ADGRB3: variants seen among roughly 807,000 people sequenced by gnomAD.
ADGRB3 encodes adhesion G protein-coupled receptor B3.
A neutral mutation model predicts 193.4 loss-of-function variants in ADGRB3; 37 were observed. The observed-to-expected ratio is 0.19, with a 90% confidence interval of 0.15 to 0.25. ADGRB3 has a LOEUF of 0.25. Among genes scored for constraint, ADGRB3 ranks in the 10% least tolerant of loss-of-function variants. ADGRB3 has a pLI of 1.00. For missense variants in ADGRB3, 1,637 were observed against 1,852.9 expected (o/e 0.88, Z 2.14); for synonymous variants, 690 against 644.2 (o/e 1.07, Z -1.08).
chr6:69,320,604 G>T (rs970270526), intron 20 of ADGRB3, among the ~76,000 whole-genome samples: 3 of 151,322 alleles, frequency 2.0e-5, no homozygotes, highest in Non-Finnish European at 4.4e-5. Context: ...GGCTTGGCTG[G>T]GTGTAGAATT....
chr6:69,207,301 C>T (rs893831336), intron 17 of ADGRB3, among the ~76,000 whole-genome samples: 1 of 152,126 alleles, frequency 6.6e-6, no homozygotes, highest in Non-Finnish European at 1.5e-5. Flanking sequence ...CACTTCCATC[C>T]CTTGATTCTG....
chr6:69,049,738 A>T (rs1312252989), intron 15 of ADGRB3, among the ~76,000 whole-genome samples: 3 of 152,150 alleles, frequency 2.0e-5, no homozygotes, highest in Admixed American at 2.0e-4. Flanking sequence ...GAGTGTCATG[A>T]TGACTGGGAA....
intron 17 of ADGRB3, among the ~76,000 whole-genome samples, chr6:69,196,117 G>A (rs1765289823): frequency 6.6e-6 from 1 of 152,032 alleles, no homozygotes; most frequent in Non-Finnish European, 1.5e-5. Context: ...ATAATGTTTG[G>A]AGTCAGATGT....
rs369234069 is a variant in ADGRB3 at position 69,225,038 on chromosome 6, T to A, written c.2481-8252T>A. Among the ~76,000 whole-genome samples, 8 of 152,200 alleles carry A rather than the reference T, an allele frequency of 5.3e-5. No individual in the cohort carries two copies. The East Asian group carries it at 7.7e-4, about 15-fold the overall frequency. On this transcript the variant is annotated intron_variant, in intron 17 of 31. Coordinates refer to ENST00000370598, the MANE Select transcript of ADGRB3 (RefSeq NM_001704.3). ...CTGTCATGATCTCTGTCTCCTGGAC[T>A]GTTTTGATCTGCATTGTAACCTGTT...
At chr6:69,004,520 A>C (rs1187345762) in intron 11 of ADGRB3, among the ~76,000 whole-genome samples, 5 of 150,544 alleles carry the variant, frequency 3.3e-5, no homozygotes, top group South Asian at 2.1e-4. Context: ...CCCATTAACT[A>C]GTCATTTACA....
rs1262601567 is a variant in ADGRB3, at chr6:69,354,442, A to T, written c.3555+114A>T. The T allele has an allele frequency of 1.6e-5, 14 of 849,710 alleles. No homozygotes were observed. In the East Asian group the frequency reaches 3.5e-4, roughly 21 times the overall value. The allele number at this position is 849,710 out of a possible 1,614,324, so 52.6% of individuals were successfully genotyped here. A position where few individuals can be genotyped will look rare whatever the true frequency, so the allele number is the denominator to read the frequency against. On this transcript the variant is annotated intron_variant, in intron 27 of 31. Coordinates refer to ENST00000370598, the MANE Select transcript of ADGRB3 (RefSeq NM_001704.3). ...TTTCATTTTGATTGACTTTGGCTTC[A>T]GTTCATTAATAGACTGTGAACTCTG... is the stretch of plus-strand genomic sequence containing the variant.
At chr6:68,819,254 C>T (rs1288349620) in intron 3 of ADGRB3, among the ~76,000 whole-genome samples, 1 of 152,022 alleles carries the variant, frequency 6.6e-6, no homozygotes, top group African/African-American at 2.4e-5. Context: ...ACTGCCCATT[C>T]TTATTGCAGC....
rs529232992 is a variant in ADGRB3, at chr6:69,285,672, A to T, written c.2815-39200A>T. Reference sequence around the variant, plus strand: ...GGCAACAGAGCGAGACTCCATCTTAAAAATAAATAAATAAATAAATAAAAT... The same window carrying T: ...GGCAACAGAGCGAGACTCCATCTTATAAATAAATAAATAAATAAATAAAAT... On this transcript the variant is annotated intron_variant, in intron 20 of 31. Transcript: ENST00000370598. 5.9e-5 allele frequency among the ~76,000 whole-genome samples: 9 copies of T among 152,112 alleles called. 1 individual carries two copies. The South Asian group carries it at 1.9e-3, about 32-fold the overall frequency.
intron 10 of ADGRB3, among the ~76,000 whole-genome samples, chr6:68,979,961 C>T (rs1768860473): frequency 6.6e-6 from 1 of 151,302 alleles, no homozygotes; most frequent in Non-Finnish European, 1.5e-5. Context: ...TGTAGGTAGA[C>T]AAATCTAAAG....
intron 30 of ADGRB3, among the ~76,000 whole-genome samples, chr6:69,376,574 A>G (rs1385215879): frequency 6.6e-6 from 1 of 152,038 alleles, no homozygotes; most frequent in African/African-American, 2.4e-5. Context: ...GAGTTTTTAC[A>G]AGGAGATTTG....
chr6:68,802,005 A>C (rs1195746303), intron 3 of ADGRB3, among the ~76,000 whole-genome samples: 3 of 152,210 alleles, frequency 2.0e-5, no homozygotes, highest in Non-Finnish European at 4.4e-5. Context: ...AACCTTCTGC[A>C]ACAAAAAAGA....
intron 13 of ADGRB3, among the ~76,000 whole-genome samples, chr6:69,041,174 C>A (rs1370344010): frequency 6.6e-6 from 1 of 152,128 alleles, no homozygotes; most frequent in Non-Finnish European, 1.5e-5. Context: ...CTGAACATTT[C>A]AATCCCAGCC....
chr6:68,962,790 T>A (rs1159652725), intron 8 of ADGRB3, among the ~76,000 whole-genome samples: 1 of 152,204 alleles, frequency 6.6e-6, no homozygotes, highest in Non-Finnish European at 1.5e-5. Context: ...TATTGGTCTT[T>A]GATGTTTCTC....
chr6:69,019,459 G>T (rs1770196956), intron 13 of ADGRB3, among the ~76,000 whole-genome samples: 1 of 151,926 alleles, frequency 6.6e-6, no homozygotes, highest in Non-Finnish European at 1.5e-5. Flanking sequence ...TTATGATTAA[G>T]GCTGTTGGTG....
chr6:69,184,548 T>A (rs977566068), intron 17 of ADGRB3, among the ~76,000 whole-genome samples: 6 of 152,080 alleles, frequency 3.9e-5, no homozygotes, highest in African/African-American at 1.4e-4. Flanking sequence ...TCCTAAAACA[T>A]GTATAAAATC....
chr6:68,753,960 C>T (rs1766252725), intron 3 of ADGRB3, among the ~76,000 whole-genome samples: 1 of 152,050 alleles, frequency 6.6e-6, no homozygotes, highest in Admixed American at 6.6e-5. Flanking sequence ...ACATGGGGAT[C>T]TGGAAAGGCT....
At chr6:69,260,880 A>G (rs1357605020) in intron 20 of ADGRB3, among the ~76,000 whole-genome samples, 2 of 152,266 alleles carry the variant, frequency 1.3e-5, no homozygotes, top group South Asian at 2.1e-4. Flanking sequence ...TATACATCTA[A>G]ACTAGTCTAA....
chr6:68,756,721 G>C (rs1264143543), intron 3 of ADGRB3, among the ~76,000 whole-genome samples: 2 of 152,150 alleles, frequency 1.3e-5, no homozygotes, highest in Non-Finnish European at 2.9e-5. Context: ...GTGAGGAACA[G>C]AGACTATTTA....
At chr6:69,077,391 A>G (rs977278243) in intron 17 of ADGRB3, among the ~76,000 whole-genome samples, 1 of 151,912 alleles carries the variant, frequency 6.6e-6, no homozygotes, top group African/African-American at 2.4e-5. Context: ...TGAACTCCTG[A>G]TTTTAGTTTC....
Sources: gnomAD v4.1 joint callset for allele counts (sites outside exome capture counted in the v4.1 genomes callset) on GRCh38, gnomAD v4.1.1 for gene constraint, MANE v1.5 for transcripts, NCBI Gene and HGNC (gene_info 2026-07-23, HGNC 2026-07-21) for gene names.